Variants in ELP4 observed in about 807,000 individuals in gnomAD.
The protein encoded by ELP4 is elongator complex protein 4.
Under a neutral mutation model 48.9 loss-of-function variants are expected in ELP4, and 51 were observed. The ratio of observed to expected loss-of-function variants is 1.04; its 90% CI spans 0.83 to 1.32. The LOEUF (loss-of-function observed/expected upper bound fraction) is 1.32. ELP4 is among the 40% of genes most tolerant of loss of function. The pLI, the probability that ELP4 is intolerant of heterozygous loss-of-function variation, is 0.00. For synonymous variants in ELP4, 210 were observed against 189.2 expected, an observed-to-expected ratio of 1.11 and a Z score of -0.90; for missense variants, 519 against 514.6, an observed-to-expected ratio of 1.01 and a Z score of -0.08.
At chr11:31,745,039 A>G (rs979395786) in intron 9 of ELP4, among the ~76,000 whole-genome samples, 22 of 152,104 alleles carry the variant, frequency 1.4e-4, no homozygotes, top group Non-Finnish European at 2.9e-4. Context: ...AACTTCAGCA[A>G]AGTCTCAGGA....
At chr11:31,701,926 A>G (rs1946531598) in intron 9 of ELP4, among the ~76,000 whole-genome samples, 1 of 152,094 alleles carries the variant, frequency 6.6e-6, no homozygotes, top group Non-Finnish European at 1.5e-5. Flanking sequence ...GTGTTTATAT[A>G]TTATTCCCAA....
At chr11:31,681,244 T>C (rs1253854295) in intron 9 of ELP4, among the ~76,000 whole-genome samples, 1 of 152,220 alleles carries the variant, frequency 6.6e-6, no homozygotes, top group Non-Finnish European at 1.5e-5. Flanking sequence ...CTAACAGTCA[T>C]GTATAATTAG....
intron 3 of ELP4, among the ~76,000 whole-genome samples, chr11:31,573,839 A>G (rs182410375): frequency 3.3e-4 from 50 of 151,996 alleles, no homozygotes; most frequent in Admixed American, 2.8e-3. Flanking sequence ...TAGGACTTCA[A>G]TGTACGGACC....
At chr11:31,598,503 CTTTTTTTTTT>C (rs10702222) in intron 4 of ELP4, among the ~76,000 whole-genome samples, 2 of 77,740 alleles carry the variant, frequency 2.6e-5, no homozygotes, top group Non-Finnish European at 4.5e-5. Flanking sequence ...TTTTCTTCTT[CTTTTTTTTTT>C]TTTTTTTTTT....
intron 3 of ELP4, among the ~76,000 whole-genome samples, chr11:31,570,042 CA>C (rs1323499482): frequency 1.3e-5 from 2 of 152,194 alleles, no homozygotes; most frequent in South Asian, 2.1e-4. Flanking sequence ...ATCATTCTGC[CA>C]AAAAGGCACG....
At chr11:31,570,915 T>C (rs1284581115) in intron 3 of ELP4, among the ~76,000 whole-genome samples, 2 of 147,128 alleles carry the variant, frequency 1.4e-5, no homozygotes, top group African/African-American at 5.1e-5. Flanking sequence ...TTGTTCTGCC[T>C]CAGCTTCCCA....
chr11:31,606,490 A>T (rs1957877953), intron 5 of ELP4, among the ~76,000 whole-genome samples: 1 of 152,202 alleles, frequency 6.6e-6, no homozygotes. Context: ...TACAATAAGA[A>T]AAACTGCAGA....
intron 9 of ELP4, among the ~76,000 whole-genome samples, chr11:31,734,534 A>C (rs1947261579): frequency 1.3e-5 from 2 of 152,236 alleles, no homozygotes; most frequent in Non-Finnish European, 2.9e-5. Context: ...AAAGACAACA[A>C]GGAAAACTTA....
intron 7 of ELP4, chr11:31,633,492 G>A (rs1944908543): frequency 6.6e-6 from 1 of 151,946 alleles, no homozygotes; most frequent in Non-Finnish European, 1.5e-5. Context: ...ATTTATAATG[G>A]GCAGCAGAGG....
chr11:31,702,466 G>T (rs1285743252), intron 9 of ELP4, among the ~76,000 whole-genome samples: 1 of 151,978 alleles, frequency 6.6e-6, no homozygotes, highest in Non-Finnish European at 1.5e-5. Flanking sequence ...AATGGTAAAA[G>T]TTGCATAACA....
Position 31,712,864 on chromosome 11 carries a change from A to G in ELP4, c.1143+62643A>G, listed in dbSNP as rs562269406. On this transcript the variant is annotated intron_variant, in intron 9 of 9. Coordinates refer to ENST00000640961, the MANE Select transcript of ELP4 (RefSeq NM_019040.5). ...TTCTTACATTTAAATGAAGACATCA[A>G]TTGTCAGGATGCCATATGATATCTT... Among the ~76,000 whole-genome samples the G allele has an allele frequency of 7.2e-5, 11 of 152,206 alleles. 1 individual carries two copies. In the South Asian group the frequency reaches 1.7e-3, roughly 23 times the overall value.
chr11:31,734,347 T>C (rs908946890), intron 9 of ELP4, among the ~76,000 whole-genome samples: 2 of 152,198 alleles, frequency 1.3e-5, no homozygotes, highest in Non-Finnish European at 2.9e-5. Flanking sequence ...AACGTAGTAC[T>C]GGAAGCCCTA....
intron 1 of ELP4, chr11:31,510,549 C>G (rs903153380): frequency 2.5e-6 from 1 of 399,800 alleles, no homozygotes; most frequent in Non-Finnish European, 4.4e-6. Context: ...TATGTTGACA[C>G]ATAATCCTTA....
intron 4 of ELP4, among the ~76,000 whole-genome samples, chr11:31,595,479 A>G (rs1221269121): frequency 6.6e-6 from 1 of 152,202 alleles, no homozygotes; most frequent in Non-Finnish European, 1.5e-5. Context: ...ATTATTTAAC[A>G]TCTATCAGAT....
At chr11:31,709,837 C>A (rs897965437) in intron 9 of ELP4, among the ~76,000 whole-genome samples, 3 of 152,068 alleles carry the variant, frequency 2.0e-5, no homozygotes, top group Admixed American at 2.0e-4. Flanking sequence ...TTTACAATCA[C>A]AATGTGTCAA....
At chr11:31,779,006 C>T (rs912355216) in intron 9 of ELP4, among the ~76,000 whole-genome samples, 1 of 151,878 alleles carries the variant, frequency 6.6e-6, no homozygotes, top group Non-Finnish European at 1.5e-5. Flanking sequence ...CTACCCCGTG[C>T]CTGGCAAGTT....
At chr11:31,640,509 T>C (rs1945072855) in intron 7 of ELP4, among the ~76,000 whole-genome samples, 1 of 151,940 alleles carries the variant, frequency 6.6e-6, no homozygotes, top group Non-Finnish European at 1.5e-5. Flanking sequence ...GTTTTATCCC[T>C]TTCCTATTAA....
intron 9 of ELP4, among the ~76,000 whole-genome samples, chr11:31,705,870 A>T (rs1186549655): frequency 2.6e-5 from 4 of 151,986 alleles, no homozygotes; most frequent in Admixed American, 2.0e-4. Context: ...TTATTTTTTT[A>T]GAGACAGGGT....
intron 1 of ELP4, among the ~76,000 whole-genome samples, chr11:31,514,989 G>A (rs1489063198): frequency 6.9e-6 from 1 of 145,572 alleles, no homozygotes; most frequent in Non-Finnish European, 1.5e-5. Context: ...GAGAAATTTT[G>A]CTGCTGTATG....
Sources: allele counts gnomAD v4.1 joint callset (sites outside exome capture counted in the v4.1 genomes callset), GRCh38; gene constraint gnomAD v4.1.1; transcripts MANE v1.5; gene names NCBI Gene and HGNC (gene_info 2026-07-23, HGNC 2026-07-21).